TRIM49: variants seen among roughly 807,000 people sequenced by gnomAD.
TRIM49 encodes tripartite motif-containing protein 49.
Under a neutral mutation model 27.4 loss-of-function variants are expected in TRIM49, and 5 were observed. The ratio of observed to expected loss-of-function variants is 0.18; its 90% confidence interval spans 0.10 to 0.38. The LOEUF (loss-of-function observed/expected upper bound fraction) is 0.38, where lower values mean the gene tolerates loss of function less well. TRIM49 is among the 10% of genes least tolerant of loss of function. The pLI, the probability that TRIM49 is intolerant of heterozygous loss-of-function variation, is 1.00. For missense variants in TRIM49, 188 were observed against 487.5 expected, an observed-to-expected ratio of 0.39 and a Z score of 5.79; for synonymous variants, 69 against 166.0, an observed-to-expected ratio of 0.42 and a Z score of 4.49.
chr11:89,807,128 G>A lies in TRIM49; in HGVS notation c.-34C>T, dbSNP rs1318856584. 2 of 152,526 alleles carry A rather than the reference G, an allele frequency of 1.3e-5. No individual in the cohort carries two copies. The highest frequency in any genetic ancestry group is 2.4e-5 in the African/African-American group (1 of 41,194). The allele number at this position is 152,526 out of a possible 1,614,324, so 9.4% of individuals were successfully genotyped here. ...GAGTTCTTTTAATGGTTCCCACAAC[G>A]ATTTTTCCAAAAATAATTTTGTTAA... On this transcript the variant is annotated 5_prime_UTR_variant, in exon 2 of 8. Coordinates refer to ENST00000329758, the MANE Select transcript of TRIM49 (RefSeq NM_020358.2).
At chr11:89,768,199 G>A in the TRIM49 span, 2 of 1,385,750 alleles carry the variant, frequency 1.4e-6, no homozygotes, top group Non-Finnish European at 9.9e-7. Flanking sequence ...CTCGGAAGTG[G>A]TTGAGCCTGT....
At chr11:89,784,022 T>A in the TRIM49 span, among the ~76,000 whole-genome samples, 5 of 138,986 alleles carry the variant, frequency 3.6e-5, no homozygotes, top group African/African-American at 1.2e-4. Context: ...TCACAATGCA[T>A]TTATTCCCAT....
chr11:89,793,790 G>A (rs1266891138), downstream of TRIM49, among the ~76,000 whole-genome samples: 1 of 151,946 alleles, frequency 6.6e-6, no homozygotes, highest in Non-Finnish European at 1.5e-5. Flanking sequence ...CATACTGAGT[G>A]GGCAAAAACT....
chr11:89,803,044 C>T (rs1949751445), intron 4 of TRIM49, among the ~76,000 whole-genome samples: 1 of 150,674 alleles, frequency 6.6e-6, no homozygotes, highest in Admixed American at 6.6e-5. Context: ...AAATATACAT[C>T]CACGAAGAGA....
the TRIM49 span, among the ~76,000 whole-genome samples, chr11:89,769,336 A>G: frequency 7.4e-6 from 1 of 135,558 alleles, no homozygotes; most frequent in Non-Finnish European, 1.5e-5. Flanking sequence ...ACCTATTGAC[A>G]GAATCTATTT....
chr11:89,771,422 A>T, the TRIM49 span, among the ~76,000 whole-genome samples: 1 of 110,856 alleles, frequency 9.0e-6, no homozygotes, highest in Middle Eastern at 5.1e-3. Context: ...TATTTTGAAG[A>T]AAAAAGTATT....
the TRIM49 span, chr11:89,768,300 G>C: frequency 2.0e-6 from 3 of 1,474,378 alleles, no homozygotes; most frequent in Non-Finnish European, 2.8e-6. Context: ...CAAGGAAGTA[G>C]GTTGAGTTGG....
At chr11:89,777,785 G>C in the TRIM49 span, 1 of 524,146 alleles carries the variant, frequency 1.9e-6, no homozygotes. Context: ...AATCATATTC[G>C]TTTAACTTGG....
At chr11:89,791,579 G>A in the TRIM49 span, among the ~76,000 whole-genome samples, 2 of 150,338 alleles carry the variant, frequency 1.3e-5, no homozygotes, top group Admixed American at 6.6e-5. Flanking sequence ...AGTGAGTGGG[G>A]GCCAATATTC....
At chr11:89,800,426 C>T (rs1334686535) in intron 6 of TRIM49, among the ~76,000 whole-genome samples, 4 of 151,850 alleles carry the variant, frequency 2.6e-5, no homozygotes, top group African/African-American at 7.3e-5. Flanking sequence ...TTATCTTTCT[C>T]CTGTGCAGGC....
At chr11:89,804,579 A>G in intron 2 of TRIM49, 106 bp from the exon 3 acceptor site, 1 of 1,034,896 alleles carries the variant, frequency 9.7e-7, no homozygotes, top group Non-Finnish European at 1.4e-6. Flanking sequence ...GACAGTGTTC[A>G]TTAAAGTACA....
At chr11:89,794,619 C>G (rs1363618771), downstream of TRIM49, among the ~76,000 whole-genome samples, 3 of 147,154 alleles carry the variant, frequency 2.0e-5, no homozygotes, top group East Asian at 2.1e-4. Context: ...ACAAATCTGA[C>G]AAAAACAAGC....
At position 89,804,166 on chromosome 11, in the gene TRIM49, T is replaced by A; in HGVS notation, c.304A>T (p.Ile102Leu). Residue 102 changes from isoleucine to leucine, a missense_variant, in exon 3 of 8, where the codon ATA (isoleucine) becomes TTA (leucine). Ile to Leu is a conservative substitution (Grantham distance 5, BLOSUM62 2). Around this residue, in one of 6 missense-constraint regions of TRIM49, gnomAD observed 21 missense variants for 71.4 expected, o/e 0.29. Transcript: ENST00000329758. Reference protein sequence around the residue: ...MCGTHRETKKIFCEVDRSLLC... With the variant: ...MCGTHRETKKLFCEVDRSLLC... Reference sequence around the variant, plus strand: ...AGGCTCCTGTCCACTTCACAGAATATCTTCTTTGTCTCCCTGTGAGTGCCA... The same window carrying A: ...AGGCTCCTGTCCACTTCACAGAATAACTTCTTTGTCTCCCTGTGAGTGCCA... 6.2e-7 allele frequency: 1 copy of A among 1,606,892 alleles called. No individual in the cohort carries two copies. The highest frequency in any genetic ancestry group is 1.4e-5 in the African/African-American group (1 of 73,428).
downstream of TRIM49, among the ~76,000 whole-genome samples, chr11:89,793,567 G>A (rs1949669551): frequency 6.6e-6 from 1 of 152,018 alleles, no homozygotes; most frequent in African/African-American, 2.4e-5. Context: ...TGGGATCCAA[G>A]GCTGGTTCAA....
chr11:89,777,144 C>G, the TRIM49 span: 1 of 1,550,620 alleles, frequency 6.4e-7, no homozygotes, highest in East Asian at 2.4e-5. Context: ...GCCCTTCGTG[C>G]AGAAAAACCT....
chr11:89,796,178 T>C (rs1321455774), downstream of TRIM49, among the ~76,000 whole-genome samples: 1 of 152,050 alleles, frequency 6.6e-6, no homozygotes, highest in African/African-American at 2.4e-5. Context: ...AAATCAATAT[T>C]TAAAATACCT....
At chr11:89,768,839 GGAGA>G in the TRIM49 span, 648 of 473,588 alleles carry the variant, frequency 1.4e-3, 63 homozygotes, top group African/African-American at 5.8e-3. Context: ...CCCAAATCCT[GGAGA>G]GAGAGAGAGA....
chr11:89,776,400 G>A, the TRIM49 span, among the ~76,000 whole-genome samples: 2 of 147,178 alleles, frequency 1.4e-5, no homozygotes, highest in East Asian at 2.0e-4. Flanking sequence ...TGGGACTACA[G>A]GCACGTGCCA....
At chr11:89,807,585 G>A (rs1949797552) in intron 1 of TRIM49, among the ~76,000 whole-genome samples, 1 of 150,518 alleles carries the variant, frequency 6.6e-6, no homozygotes, top group Admixed American at 6.6e-5. Flanking sequence ...TCTCCTTCTG[G>A]AGTGCAGTAG....
Sources: gnomAD v4.1 joint callset for allele counts (sites outside exome capture counted in the v4.1 genomes callset) on GRCh38, gnomAD v4.1.1 for gene constraint, gnomAD v4.1.1 regional missense constraint, MANE v1.5 for transcripts, NCBI Gene and HGNC (gene_info 2026-07-23, HGNC 2026-07-21) for gene names.